The following PCDHGB1 variants were observed in gnomAD, a reference collection of about 807,000 sequenced individuals.
PCDHGB1 encodes protocadherin gamma-B1.
Under a neutral mutation model 56.6 loss-of-function variants are expected in PCDHGB1, and 34 were observed. The ratio of observed to expected loss-of-function variants is 0.60; its 90% confidence interval spans 0.46 to 0.80. The LOEUF (loss-of-function observed/expected upper bound fraction) is 0.80, where lower values mean the gene tolerates loss of function less well. PCDHGB1 is among the 30% of genes least tolerant of loss of function. The pLI is 0.00. For missense variants in PCDHGB1, 1,278 were observed against 1,204.6 expected (o/e 1.06, Z -0.90); for synonymous variants, 561 against 505.9 (o/e 1.11, Z -1.46).
chr5:141,352,824 C>T (rs1366479814), intron 1 of PCDHGB1, 155 bp downstream of exon 1: 2 of 782,824 alleles, frequency 2.6e-6, no homozygotes, highest in Non-Finnish European at 4.0e-6. Context: ...ACCCGGTCTA[C>T]TAAAATTACA....
chr5:141,413,630 C>T (rs746896115), intron 1 of PCDHGB1: 2 of 1,613,692 alleles, frequency 1.2e-6, no homozygotes, highest in Admixed American at 3.3e-5. Flanking sequence ...AATGTCGCTG[C>T]GGGAATGCGT....
At chr5:141,393,357 G>C in intron 1 of PCDHGB1, 5 of 1,613,924 alleles carry the variant, frequency 3.1e-6, no homozygotes, top group Admixed American at 1.7e-5. Flanking sequence ...CTCCCTGGAC[G>C]TGCAGACTGG....
chr5:141,499,932 C>A (rs1169727162), intron 2 of PCDHGB1, among the ~76,000 whole-genome samples: 1 of 152,076 alleles, frequency 6.6e-6, no homozygotes, highest in Non-Finnish European at 1.5e-5. Context: ...AAGTGATCCA[C>A]CCTCCTCGGC....
chr5:141,389,886 G>A, intron 1 of PCDHGB1: 1 of 1,614,078 alleles, frequency 6.2e-7, no homozygotes, highest in Non-Finnish European at 8.5e-7. Context: ...CAGCTTGCAG[G>A]AGGTGCTGCC....
At chr5:141,400,415 T>C (rs1054517262) in intron 1 of PCDHGB1, 16 of 1,614,080 alleles carry the variant, frequency 9.9e-6, no homozygotes, top group Non-Finnish European at 1.3e-5. Flanking sequence ...TTTAATTTCC[T>C]AAAATGTAGT....
intron 1 of PCDHGB1, chr5:141,375,488 G>C (rs948208439): frequency 6.2e-7 from 1 of 1,613,976 alleles, no homozygotes; most frequent in Non-Finnish European, 8.5e-7. Context: ...CCCCAGGGGT[G>C]CCTCCATCTT....
intron 1 of PCDHGB1, chr5:141,428,659 G>A: frequency 6.1e-6 from 1 of 164,982 alleles, no homozygotes; most frequent in East Asian, 1.8e-4. Context: ...GAGTTCCAAT[G>A]AATGTCTTTC....
In PCDHGB1 at chr5:141,476,432, G is replaced by A. The variant is rs139089802; in HGVS notation, c.2410-18375G>A. 15 of 1,614,116 alleles carry A rather than the reference G, an allele frequency of 9.3e-6. No individual in the cohort carries two copies. The East Asian group carries it at 3.3e-4, about 36-fold the overall frequency. Reference sequence around the variant, plus strand: ...GTGTGGGACACTGCCCTCTTGCACTGTAACTCTGGAGTTGGTAGTGGAGAA... The same window carrying A: ...GTGTGGGACACTGCCCTCTTGCACTATAACTCTGGAGTTGGTAGTGGAGAA... On this transcript the variant is annotated intron_variant, in intron 1 of 3. Coordinates refer to ENST00000523390, the MANE Select transcript of PCDHGB1 (RefSeq NM_018922.3). The surrounding 1 kb of genome is among the most constrained non-coding windows in gnomAD (Gnocchi z 7.6).
At chr5:141,492,256 A>G (rs1323720621) in intron 1 of PCDHGB1, among the ~76,000 whole-genome samples, 1 of 151,974 alleles carries the variant, frequency 6.6e-6, no homozygotes, top group Non-Finnish European at 1.5e-5. Context: ...CGGCCCACAC[A>G]AGTTGCACGG....
chr5:141,433,029 T>C (rs2097561523), intron 1 of PCDHGB1: 2 of 1,613,998 alleles, frequency 1.2e-6, no homozygotes, highest in African/African-American at 2.7e-5. Flanking sequence ...TCCCACGAGG[T>C]TTCCCTCACC....
chr5:141,485,214 G>T lies in PCDHGB1; in HGVS notation c.2410-9593G>T. 6.2e-7 allele frequency: 1 copy of T among 1,614,164 alleles called. No individual in the cohort carries two copies. The highest frequency in any genetic ancestry group is 8.5e-7 in the Non-Finnish European group (1 of 1,179,996). On this transcript the variant is annotated intron_variant, in intron 1 of 3. Transcript: ENST00000523390. This position sits in a 1 kb window ranked among gnomAD's most constrained non-coding sequence, Gnocchi z 5.7. ...AGAAGCTGGACAGAAATCTGGCGGT[G>T]GGCTACCCTTTTGTTCCTCTTTTAC...
chr5:141,463,018 T>C (rs1318740358), intron 1 of PCDHGB1, among the ~76,000 whole-genome samples: 1 of 152,212 alleles, frequency 6.6e-6, no homozygotes, highest in Admixed American at 6.5e-5. Flanking sequence ...AATTCTGACT[T>C]TTTTGATTAA....
rs999463482 is a variant in PCDHGB1, at chr5:141,506,400, T to C, written c.2557+919T>C. ...GGAGGTGGCTGTGGTGAGCAGAAAATCGCACCACTGCACTCCAGCCTGGGC... is the reference window on the plus strand; with the variant it reads ...GGAGGTGGCTGTGGTGAGCAGAAAACCGCACCACTGCACTCCAGCCTGGGC... On this transcript the variant is annotated intron_variant, in intron 3 of 3. Coordinates refer to ENST00000523390, the MANE Select transcript of PCDHGB1 (RefSeq NM_018922.3). 1.2e-4 allele frequency among the ~76,000 whole-genome samples: 16 copies of C among 135,754 alleles called. No homozygotes were observed. In the Admixed American group the frequency reaches 1.3e-3, roughly 11 times the overall value. The allele number at this position is 135,754 out of a possible 152,430, so 89.1% of individuals were successfully genotyped here.
At chr5:141,451,352 A>G (rs2098714151) in intron 1 of PCDHGB1, among the ~76,000 whole-genome samples, 1 of 152,232 alleles carries the variant, frequency 6.6e-6, no homozygotes, top group Non-Finnish European at 1.5e-5. Flanking sequence ...AAGGGTCAAC[A>G]GAGGATGGAT....
chr5:141,479,469 C>T lies in PCDHGB1; in HGVS notation c.2410-15338C>T, dbSNP rs1218436564. 8 of 152,344 alleles carry T rather than the reference C, an allele frequency of 5.3e-5. No homozygotes were observed. In the East Asian group the frequency reaches 1.5e-3, roughly 29 times the overall value. 9.4% of individuals were successfully genotyped at this position (152,344 alleles called of 1,614,324 possible). On this transcript the variant is annotated intron_variant, in intron 1 of 3. Transcript: ENST00000523390. ...AAGTTCAGCATGAATACAGTGACCT[C>T]TTGGGAGGGCAGGACCATCAGGTTG...
intron 1 of PCDHGB1, chr5:141,375,696 G>A: frequency 6.2e-7 from 1 of 1,614,260 alleles, no homozygotes; most frequent in African/African-American, 1.3e-5. Flanking sequence ...AGCGACAGCG[G>A]GGACCCGCCT....
Position 141,352,700 on chromosome 5 carries a change from T to C in PCDHGB1, c.2409+31T>C, listed in dbSNP as rs10043892. On this transcript the variant is annotated intron_variant, in intron 1 of 3. Transcript: ENST00000523390. ...TTTCTGCAAATCTAGTTAAATTTTA[T>C]ATATGGCGGCCGGGCGCGGTGGCTC... 4.8e-4 allele frequency: 746 copies of C among 1,549,878 alleles called. 3 individuals are homozygous for C. In the African/African-American group the frequency reaches 8.8e-3, roughly 18 times the overall value.
In PCDHGB1 at chr5:141,485,589, A is replaced by G. The variant is rs1407992185; in HGVS notation, c.2410-9218A>G. 6.2e-7 allele frequency: 1 copy of G among 1,612,610 alleles called. No homozygotes were observed. Among genetic ancestry groups the G allele is most frequent in the Non-Finnish European group, 8.5e-7 (1 of 1,178,834 alleles). On this transcript the variant is annotated intron_variant, in intron 1 of 3. Coordinates refer to ENST00000523390, the MANE Select transcript of PCDHGB1 (RefSeq NM_018922.3). The surrounding 1 kb of genome is among the most constrained non-coding windows in gnomAD (Gnocchi z 5.7). Reference sequence around the variant, plus strand: ...CCCCGTTTTCCGCGGCAGCAGCTGGACTTGGAAATTGGGGAGGCAGCTCCT... The same window carrying G: ...CCCCGTTTTCCGCGGCAGCAGCTGGGCTTGGAAATTGGGGAGGCAGCTCCT...
rs748803155 is a variant in PCDHGB1, at chr5:141,490,087, G to A, written c.2410-4720G>A. On this transcript the variant is annotated intron_variant, in intron 1 of 3. Coordinates refer to ENST00000523390, the MANE Select transcript of PCDHGB1 (RefSeq NM_018922.3). The surrounding 1 kb of genome is among the most constrained non-coding windows in gnomAD (Gnocchi z 5.4). ...CGGCCAACTAGACTATTCTTTTGGA[G>A]ACCACACATCTGAGGCAGTGCGGAA... 2.5e-6 allele frequency: 4 copies of A among 1,614,244 alleles called. No homozygotes were observed. The highest frequency in any genetic ancestry group is 1.3e-5 in the African/African-American group (1 of 75,068).
Sources: allele counts gnomAD v4.1 joint callset (sites outside exome capture counted in the v4.1 genomes callset), GRCh38; gene constraint gnomAD v4.1.1; non-coding constraint Gnocchi (gnomAD v3.1); transcripts MANE v1.5; gene names NCBI Gene and HGNC (gene_info 2026-07-23, HGNC 2026-07-21).